The following TMLHE variants were observed in gnomAD, a reference collection of about 807,000 sequenced individuals.
TMLHE encodes the protein trimethyllysine dioxygenase, mitochondrial.
Under a neutral mutation model 25.7 loss-of-function variants are expected in TMLHE, and 18 were observed. The observed-to-expected ratio is 0.70, with a 90% confidence interval of 0.48 to 1.04. The LOEUF (loss-of-function observed/expected upper bound fraction) is 1.04, where lower values mean the gene tolerates loss of function less well. Ranked by LOEUF, TMLHE falls within the 50% of genes least tolerant of loss-of-function variation. The pLI is 0.00. For synonymous variants in TMLHE, 105 were observed against 97.0 expected (o/e 1.08, Z -0.49); for missense variants, 236 against 259.0 (o/e 0.91, Z 0.61).
Position 155,514,049 on chromosome X carries a change from A to G in TMLHE, c.575T>C (p.Val192Ala). ...CTCTTGAGTGGGAGGGACATTTTCT[A>G]CGAATGCAATTCCATAGAGCAGAAA... Reference protein sequence around the residue: ...QNFLLYGIAFVENVPPTQEHT... With the variant: ...QNFLLYGIAFAENVPPTQEHT... The change falls in exon 4 of 8, where the codon GTA becomes GCA. Residue 192 changes from valine to alanine, a missense_variant. Coordinates refer to ENST00000334398, the MANE Select transcript of TMLHE (RefSeq NM_018196.4). 2.5e-6 allele frequency: 3 copies of G among 1,211,021 alleles called. No individual in the cohort carries two copies. The highest frequency in any genetic ancestry group is 3.4e-6 in the Non-Finnish European group (3 of 895,017).
At chrX:155,592,327 A>G (rs1386482200) in intron 1 of TMLHE, among the ~76,000 whole-genome samples, 1 of 112,014 alleles carries the variant, frequency 8.9e-6, no homozygotes, top group African/African-American at 3.2e-5. Context: ...AAAATAGGAG[A>G]TTCCAGGCTT....
chrX:155,605,286 G>A (rs2067780413), intron 1 of TMLHE, among the ~76,000 whole-genome samples: 2 of 111,357 alleles, frequency 1.8e-5, no homozygotes, highest in African/African-American at 3.3e-5. Context: ...CACTAGAAAG[G>A]ACAACATTCA....
intron 1 of TMLHE, among the ~76,000 whole-genome samples, chrX:155,606,443 C>A (rs1365567538): frequency 1.8e-5 from 2 of 111,583 alleles, no homozygotes; most frequent in East Asian, 2.8e-4. Flanking sequence ...AAATAGAAAT[C>A]TATACCAAGA....
In TMLHE at chrX:155,571,082, G is replaced by A. The variant is rs1482860360; in HGVS notation, c.-1-25805C>T. ...AAAGGATCAACAAAACTGATAGACCGCTAGCAAGACTAATAAAGAAGAAAA... is the reference window on the plus strand; with the variant it reads ...AAAGGATCAACAAAACTGATAGACCACTAGCAAGACTAATAAAGAAGAAAA... On this transcript the variant is annotated intron_variant, in intron 1 of 7. Transcript: ENST00000334398. Among the ~76,000 whole-genome samples the A allele has an allele frequency of 1.2e-4, 7 of 56,578 alleles. 3 individuals carry two copies. The East Asian group carries it at 2.2e-3, about 18-fold the overall frequency. The allele number at this position is 56,578 out of a possible 115,157, so 49.1% of individuals were successfully genotyped here. A position where few individuals can be genotyped will look rare whatever the true frequency, so the allele number is the denominator to read the frequency against.
At chrX:155,593,508 AC>A (rs1295724511) in intron 1 of TMLHE, among the ~76,000 whole-genome samples, 1 of 111,949 alleles carries the variant, frequency 8.9e-6, no homozygotes, top group Non-Finnish European at 1.9e-5. Flanking sequence ...AAAGACACCA[AC>A]ATAAAGAAAC....
intron 1 of TMLHE, among the ~76,000 whole-genome samples, chrX:155,610,535 C>T (rs1557348217): frequency 1.8e-5 from 2 of 111,787 alleles, no homozygotes; most frequent in South Asian, 7.6e-4. Context: ...GAACTTTCAT[C>T]TCCTTACTTT....
rs782670967 is a variant in TMLHE at position 155,547,197 on chromosome X, T to G, written c.-1-1920A>C. On this transcript the variant is annotated intron_variant, in intron 1 of 7. Coordinates refer to ENST00000334398, the MANE Select transcript of TMLHE (RefSeq NM_018196.4). Reference sequence around the variant, plus strand: ...TCTTGCTCTGTCGCCCAGGCTGGAGTGCAGTGGCGCTATCTCGGCTCACTG... The same window carrying G: ...TCTTGCTCTGTCGCCCAGGCTGGAGGGCAGTGGCGCTATCTCGGCTCACTG... Among the ~76,000 whole-genome samples, 6 of 97,503 alleles carry G rather than the reference T, an allele frequency of 6.2e-5. No individual in the cohort carries two copies. The South Asian group carries it at 2.1e-3, about 34-fold the overall frequency. 84.7% of individuals were successfully genotyped at this position (97,503 alleles called of 115,157 possible).
chrX:155,600,499 T>C (rs886104707), intron 1 of TMLHE, among the ~76,000 whole-genome samples: 1 of 112,074 alleles, frequency 8.9e-6, no homozygotes, highest in East Asian at 2.8e-4. Context: ...TCTTTCAAGA[T>C]GGCTGACTAG....
intron 1 of TMLHE, among the ~76,000 whole-genome samples, chrX:155,588,614 G>A (rs1480681311): frequency 9.1e-6 from 1 of 110,212 alleles, no homozygotes; most frequent in African/African-American, 3.3e-5. Flanking sequence ...CCAGAATCTA[G>A]AAGGAACTCA....
intron 1 of TMLHE, among the ~76,000 whole-genome samples, chrX:155,606,881 A>T (rs2067790374): frequency 9.0e-6 from 1 of 110,687 alleles, no homozygotes; most frequent in Admixed American, 9.6e-5. Context: ...TAAACTGATA[A>T]ATTCCTGGAG....
intron 1 of TMLHE, 166 bp downstream of exon 1, chrX:155,612,626 C>T (rs1474267133): frequency 8.9e-6 from 1 of 112,946 alleles, no homozygotes; most frequent in Non-Finnish European, 1.9e-5. Context: ...CAGGAGTGGC[C>T]TTCCTCTCCG....
chrX:155,580,908 G>A (rs1377516076), intron 1 of TMLHE, among the ~76,000 whole-genome samples: 1 of 111,610 alleles, frequency 9.0e-6, no homozygotes, highest in East Asian at 2.8e-4. Flanking sequence ...AATGAACATC[G>A]ATGCAAAAAT....
chrX:155,522,929 C>G (rs2067197204), intron 3 of TMLHE, among the ~76,000 whole-genome samples: 1 of 110,187 alleles, frequency 9.1e-6, no homozygotes, highest in Admixed American at 9.6e-5. Flanking sequence ...TAAGAAATTA[C>G]CAAACTGTTT....
At chrX:155,535,054 A>G (rs2067270629) in intron 2 of TMLHE, among the ~76,000 whole-genome samples, 1 of 111,921 alleles carries the variant, frequency 8.9e-6, no homozygotes, top group Non-Finnish European at 1.9e-5. Context: ...GAGAGTCCTC[A>G]CCAGAACTTG....
intron 1 of TMLHE, among the ~76,000 whole-genome samples, chrX:155,591,230 C>T (rs1442739139): frequency 9.0e-6 from 1 of 111,070 alleles, no homozygotes; most frequent in Non-Finnish European, 1.9e-5. Context: ...AGAAATAATG[C>T]AACAATAATA....
At chrX:155,548,278 C>G (rs1214721248) in intron 1 of TMLHE, among the ~76,000 whole-genome samples, 1 of 111,567 alleles carries the variant, frequency 9.0e-6, no homozygotes. Context: ...TACTGTACAT[C>G]AAAGGATACA....
chrX:155,514,209 C>T lies in TMLHE; in HGVS notation c.415G>A (p.Glu139Lys). Residue 139 changes from glutamate (E) to lysine (K), a missense_variant, in exon 4 of 8, where the codon GAA (glutamate) becomes AAA (lysine). Physicochemically the swap from Glu to Lys is moderately conservative, Grantham distance 56. Transcript: ENST00000334398. ...TGGATGACTTTTTGTTTCTGCCCTT[C>T]ATAGCTGTTTTTCACCAGCCAATTC... ...DLNWLVKNSY[E>K]GQKQKVIQPR... 1 of 1,210,507 alleles carries T rather than the reference C, an allele frequency of 8.3e-7. No homozygotes were observed. The highest frequency in any genetic ancestry group is 1.1e-6 in the Non-Finnish European group (1 of 894,711).
intron 4 of TMLHE, among the ~76,000 whole-genome samples, chrX:155,513,560 T>C (rs191775336): frequency 9.1e-6 from 1 of 110,443 alleles, no homozygotes; most frequent in African/African-American, 3.3e-5. Flanking sequence ...TCACAGAAGG[T>C]CAAATTGAAC....
At chrX:155,528,264 A>G (rs2067230543) in intron 2 of TMLHE, among the ~76,000 whole-genome samples, 1 of 109,547 alleles carries the variant, frequency 9.1e-6, no homozygotes, top group South Asian at 3.9e-4. Flanking sequence ...TGCATATTTG[A>G]CCTAGATATT....
Sources: gnomAD v4.1 joint callset for allele counts (sites outside exome capture counted in the v4.1 genomes callset) on GRCh38, gnomAD v4.1.1 for gene constraint, MANE v1.5 for transcripts, NCBI Gene and HGNC (gene_info 2026-07-23, HGNC 2026-07-21) for gene names.